PREX1: variants seen among roughly 807,000 people sequenced by gnomAD.
The protein encoded by PREX1 is phosphatidylinositol-3,4,5-trisphosphate dependent Rac exchange factor 1.
A neutral mutation model predicts 198.3 loss-of-function variants in PREX1; 41 were observed. The ratio of observed to expected loss-of-function variants is 0.21; its 90% confidence interval spans 0.16 to 0.27. The LOEUF (loss-of-function observed/expected upper bound fraction) is 0.27. PREX1 is among the 10% of genes least tolerant of loss of function. The pLI is 1.00. For synonymous variants in PREX1, 843 were observed against 887.2 expected (o/e 0.95, Z 0.89); for missense variants, 1,620 against 2,200.7 (o/e 0.74, Z 5.28).
Position 48,625,908 on chromosome 20 carries a change from G to C in PREX1, c.4957C>G (p.Pro1653Ala). ...GTTCAGAGGTCCCCATCCACCGGCG[G>C]CTGGCAGAGGCGGTAGAGGCTGGGG... ...GAPRLYRLCQ[P>A]PVDGDL is the part of the protein sequence containing the mutation. The change falls in exon 40 of 40, where the codon CCG (proline) becomes GCG (alanine). Residue 1653 changes from proline (P) to alanine (A), a missense_variant. Pro to Ala is a conservative substitution (Grantham distance 27). Transcript: ENST00000371941. The C allele has an allele frequency of 6.4e-7, 1 of 1,564,520 alleles. No individual in the cohort carries two copies.
In PREX1 at chr20:48,627,853, G is replaced by A. The variant is rs368666142; in HGVS notation, c.4869+8C>T. 26 of 1,610,974 alleles carry A rather than the reference G, an allele frequency of 1.6e-5. No homozygotes were observed. Among genetic ancestry groups the A allele is most frequent in the South Asian group, 3.3e-5 (3 of 90,592 alleles). ...GTGCTGGAGGACCCTGTGGCCAAGCGGCCTCACCTGCTTCCGCATGATGTC... is the reference window on the plus strand; with the variant it reads ...GTGCTGGAGGACCCTGTGGCCAAGCAGCCTCACCTGCTTCCGCATGATGTC... On this transcript the variant is annotated splice_region_variant and intron_variant, in intron 38 of 39. Coordinates refer to ENST00000371941, the MANE Select transcript of PREX1 (RefSeq NM_020820.4).
At chr20:48,833,248 G>C in the PREX1 span, among the ~76,000 whole-genome samples, 1 of 152,126 alleles carries the variant, frequency 6.6e-6, no homozygotes, top group African/African-American at 2.4e-5. Flanking sequence ...CAGCCATCTT[G>C]AGACCCTGAG....
At chr20:48,721,813 A>C (rs1462858821) in intron 5 of PREX1, among the ~76,000 whole-genome samples, 1 of 152,144 alleles carries the variant, frequency 6.6e-6, no homozygotes, top group Non-Finnish European at 1.5e-5. Context: ...ATTCGGAAAC[A>C]GCTGGACTCT....
At chr20:48,646,177 T>A in intron 25 of PREX1, 120 bp from the exon 26 acceptor site, 1 of 971,752 alleles carries the variant, frequency 1.0e-6, no homozygotes, top group Non-Finnish European at 1.5e-6. Flanking sequence ...GGTGGGAGAC[T>A]CGCAAGTTCT....
chr20:48,636,654 T>C lies in PREX1; in HGVS notation c.3976A>G (p.Ile1326Val). Residue 1326 changes from isoleucine (I) to valine (V), a missense_variant, in exon 32 of 40, where the codon ATC becomes GTC. Coordinates refer to ENST00000371941, the MANE Select transcript of PREX1 (RefSeq NM_020820.4). Reference sequence around the variant, plus strand: ...GCGGCCACCAGGGCCTGGCAGAAGATCGCGTCTCTGCGCAGCTGCAGCTCC... The same window carrying C: ...GCGGCCACCAGGGCCTGGCAGAAGACCGCGTCTCTGCGCAGCTGCAGCTCC... ...DTELQLRRDA[I>V]FCQALVAAVC... 6.2e-7 allele frequency: 1 copy of C among 1,610,054 alleles called. No individual in the cohort carries two copies. The highest frequency in any genetic ancestry group is 2.2e-5 in the East Asian group (1 of 44,780).
chr20:48,823,168 A>T (rs910197737), intron 1 of PREX1, among the ~76,000 whole-genome samples: 25 of 152,166 alleles, frequency 1.6e-4, no homozygotes, highest in African/African-American at 5.8e-4. Context: ...GGTTCCGGGC[A>T]GACCCTCTGT....
At chr20:48,782,168 ATATTGTTTGGCTGT>A (rs1325921873) in intron 1 of PREX1, among the ~76,000 whole-genome samples, 1 of 152,112 alleles carries the variant, frequency 6.6e-6, no homozygotes, top group Non-Finnish European at 1.5e-5. Flanking sequence ...TGGGTCACTG[ATATTGTTTGGCTGT>A]GTCCTCACTC....
At chr20:48,828,952 C>G (rs554402713), upstream of PREX1, among the ~76,000 whole-genome samples, 38 of 152,304 alleles carry the variant, frequency 2.5e-4, no homozygotes, top group East Asian at 4.8e-3. Flanking sequence ...GTCAGCTGCT[C>G]AGGTTCAAAT....
At position 48,811,628 on chromosome 20, in the gene PREX1, C is replaced by CA. The variant is rs1432726159; in HGVS notation, c.219+16013_219+16014insT. Among the ~76,000 whole-genome samples the CA allele has an allele frequency of 3.7e-3, 474 of 127,844 alleles. 8 individuals carry two copies. The highest frequency in any genetic ancestry group is 0.013 in the African/African-American group (390 of 30,392). The allele number at this position is 127,844 out of a possible 152,430, so 83.9% of individuals were successfully genotyped here. The stretch of plus-strand genomic sequence containing the variant: ...TGACAAGACCTGGATACACACCCCC[C>CA]CACACACACACACACGTACGTGTGC... On this transcript the variant is annotated intron_variant, in intron 1 of 39. Transcript: ENST00000371941.
At chr20:48,628,264 A>G (rs558912978) in intron 37 of PREX1, among the ~76,000 whole-genome samples, 1 of 152,268 alleles carries the variant, frequency 6.6e-6, no homozygotes, top group Admixed American at 6.5e-5. Context: ...GACTCGGTAA[A>G]TATCTGCTGA....
chr20:48,640,055 G>C (rs1367668615), intron 29 of PREX1, among the ~76,000 whole-genome samples, 161 bp from the exon 30 acceptor site: 3 of 152,316 alleles, frequency 2.0e-5, no homozygotes, highest in African/African-American at 7.2e-5. Flanking sequence ...CAGAGGGTAA[G>C]TGTGCTATTT....
chr20:48,721,410 G>A (rs901306784), intron 5 of PREX1, among the ~76,000 whole-genome samples: 3 of 152,242 alleles, frequency 2.0e-5, no homozygotes, highest in African/African-American at 7.2e-5. Context: ...AGGAGGCACT[G>A]GAGCAGCAGA....
intron 6 of PREX1, among the ~76,000 whole-genome samples, chr20:48,702,559 G>A (rs1188136620): frequency 6.6e-6 from 1 of 152,236 alleles, no homozygotes; most frequent in African/African-American, 2.4e-5. Context: ...CCCTGCCAGG[G>A]CACATCCTCG....
At chr20:48,690,923 G>A (rs757362516) in intron 9 of PREX1, 24 bp downstream of exon 9, 14 of 1,612,610 alleles carry the variant, frequency 8.7e-6, no homozygotes, top group Admixed American at 5.0e-5. Flanking sequence ...GATCCCAGGC[G>A]AGCACCCCAA....
At chr20:48,875,223 C>T in the PREX1 span, among the ~76,000 whole-genome samples, 1 of 152,162 alleles carries the variant, frequency 6.6e-6, no homozygotes, top group Non-Finnish European at 1.5e-5. Context: ...ATGAACATTC[C>T]AGCCAAAACC....
chr20:48,774,546 C>T (rs958835677), intron 1 of PREX1, among the ~76,000 whole-genome samples: 12 of 152,228 alleles, frequency 7.9e-5, no homozygotes, highest in Admixed American at 3.3e-4. Context: ...GGTGCCTTCA[C>T]CACTCCCTGC....
At chr20:48,665,126 C>A (rs2089628460) in intron 15 of PREX1, among the ~76,000 whole-genome samples, 1 of 148,982 alleles carries the variant, frequency 6.7e-6, no homozygotes, top group South Asian at 2.2e-4. Flanking sequence ...TAATCCCACC[C>A]CAGACGGCCT....
At chr20:48,860,256 A>G in the PREX1 span, among the ~76,000 whole-genome samples, 4 of 152,246 alleles carry the variant, frequency 2.6e-5, no homozygotes, top group African/African-American at 9.6e-5. Flanking sequence ...ATATTATGCT[A>G]ATGAAACAAG....
At chr20:48,706,047 A>G (rs1292485260) in intron 6 of PREX1, among the ~76,000 whole-genome samples, 1 of 152,234 alleles carries the variant, frequency 6.6e-6, no homozygotes, top group Non-Finnish European at 1.5e-5. Flanking sequence ...CAGGTACTAA[A>G]TAACTGCCAA....
Sources: allele counts gnomAD v4.1 joint callset (sites outside exome capture counted in the v4.1 genomes callset), GRCh38; gene constraint gnomAD v4.1.1; transcripts MANE v1.5; gene names NCBI Gene and HGNC (gene_info 2026-07-23, HGNC 2026-07-21).